HOMER2: variants seen among roughly 807,000 people sequenced by gnomAD.
The protein encoded by HOMER2 is homer scaffold protein 2.
HOMER2 carries 27 observed loss-of-function variants against 47.0 expected under a neutral mutation model. The ratio of observed to expected loss-of-function variants is 0.57; its 90% CI spans 0.42 to 0.79. HOMER2 has a LOEUF of 0.79. HOMER2 is among the 30% of genes least tolerant of loss of function. The pLI is 0.00. For synonymous variants in HOMER2, 161 were observed against 163.8 expected, an observed-to-expected ratio of 0.98 and a Z score of 0.13; for missense variants, 443 against 435.0, an observed-to-expected ratio of 1.02 and a Z score of -0.16.
intron 1 of HOMER2, among the ~76,000 whole-genome samples, chr15:82,936,389 C>A (rs2054144160): frequency 6.6e-6 from 1 of 152,172 alleles, no homozygotes; most frequent in Non-Finnish European, 1.5e-5. Flanking sequence ...GGAGCTGTCT[C>A]CCTCACTAGA....
chr15:82,912,137 C>T (rs957503430), intron 1 of HOMER2, among the ~76,000 whole-genome samples: 1 of 151,920 alleles, frequency 6.6e-6, no homozygotes, highest in Admixed American at 6.6e-5. Flanking sequence ...TTTTAAAGTC[C>T]CCAATTCAGT....
intron 1 of HOMER2, among the ~76,000 whole-genome samples, chr15:82,947,254 T>G (rs771352062): frequency 6.6e-6 from 1 of 152,318 alleles, no homozygotes; most frequent in East Asian, 1.9e-4. Flanking sequence ...CCCTATAATT[T>G]GTTGGAACTA....
intron 1 of HOMER2, among the ~76,000 whole-genome samples, chr15:82,916,599 C>A (rs1449587086): frequency 2.0e-5 from 3 of 152,144 alleles, no homozygotes; most frequent in African/African-American, 7.2e-5. Flanking sequence ...AGTGCAGACC[C>A]CGCTGGACCA....
chr15:82,935,068 G>A (rs2054112625), intron 1 of HOMER2, among the ~76,000 whole-genome samples: 1 of 151,720 alleles, frequency 6.6e-6, no homozygotes, highest in Admixed American at 6.6e-5. Context: ...TCAAGGCCTG[G>A]GCTCCTCTGC....
At chr15:82,890,746 A>T (rs985640871) in intron 2 of HOMER2, among the ~76,000 whole-genome samples, 1 of 152,220 alleles carries the variant, frequency 6.6e-6, no homozygotes, top group African/African-American at 2.4e-5. Flanking sequence ...TCCTTGGATA[A>T]CTCAACTGAC....
At chr15:82,910,831 G>A (rs1268314796) in intron 1 of HOMER2, among the ~76,000 whole-genome samples, 4 of 152,090 alleles carry the variant, frequency 2.6e-5, no homozygotes, top group Non-Finnish European at 4.4e-5. Context: ...TCTCAGCAAC[G>A]TAACAGTGCC....
At chr15:82,904,361 G>C (rs1268562442) in intron 1 of HOMER2, among the ~76,000 whole-genome samples, 1 of 152,122 alleles carries the variant, frequency 6.6e-6, no homozygotes, top group Non-Finnish European at 1.5e-5. Flanking sequence ...CTCAGTGTGG[G>C]GTAGGTCTCA....
At position 82,875,295 on chromosome 15, in the gene HOMER2, G is replaced by T. The variant is rs755787836; in HGVS notation, c.272C>A (p.Ser91Tyr). The T allele has an allele frequency of 3.7e-6, 6 of 1,613,744 alleles. No individual in the cohort carries two copies. Among genetic ancestry groups the T allele is most frequent in the Non-Finnish European group, 5.1e-6 (6 of 1,179,878 alleles). Residue 91 changes from serine to tyrosine, a missense_variant, in exon 3 of 9, where the codon TCC (serine) becomes TAC (tyrosine). Physicochemically the swap from Ser to Tyr is moderately radical, Grantham distance 144. Transcript: ENST00000450735. ...RANTVFGLGF[S>Y]SEQQLTKFAE... ...TACCTTTGTCAGCTGCTGCTCAGAG[G>T]AAAACCCCAAACCAAACACTGTGTT...
At chr15:82,984,537 G>A (rs566342239) in intron 1 of HOMER2, among the ~76,000 whole-genome samples, 1 of 152,256 alleles carries the variant, frequency 6.6e-6, no homozygotes, top group South Asian at 2.1e-4. Context: ...CACAATGTGG[G>A]GCTGGGCTCC....
intron 1 of HOMER2, among the ~76,000 whole-genome samples, chr15:82,979,416 G>A (rs997772693): frequency 5.3e-5 from 8 of 152,144 alleles, no homozygotes; most frequent in East Asian, 1.9e-4. Context: ...TGAGCTAGCC[G>A]ATAGATATAC....
intron 1 of HOMER2, among the ~76,000 whole-genome samples, chr15:82,939,106 G>C (rs2054205190): frequency 1.3e-5 from 2 of 152,188 alleles, no homozygotes; most frequent in Non-Finnish European, 2.9e-5. Context: ...TGTTAGAGCT[G>C]AATTTATACT....
At chr15:82,878,831 T>C (rs1567030254) in intron 2 of HOMER2, among the ~76,000 whole-genome samples, 1 of 152,226 alleles carries the variant, frequency 6.6e-6, no homozygotes, top group East Asian at 1.9e-4. Flanking sequence ...TTTCGCCATG[T>C]TGCCCTGGCT....
intron 1 of HOMER2, among the ~76,000 whole-genome samples, chr15:82,982,427 CATTTGAAA>C (rs2030425075): frequency 6.6e-6 from 1 of 152,136 alleles, no homozygotes; most frequent in Non-Finnish European, 1.5e-5. Flanking sequence ...AAAAAAATTT[CATTTGAAA>C]ATTTGAAAAT....
intron 1 of HOMER2, among the ~76,000 whole-genome samples, chr15:82,902,910 A>G (rs73446978): frequency 0.047 from 7,180 of 152,298 alleles, 553 homozygotes; most frequent in African/African-American, 0.16. Context: ...TCACACACAA[A>G]TGTGAATAAT....
At chr15:82,864,427 C>T (rs947916241) in intron 3 of HOMER2, among the ~76,000 whole-genome samples, 168 bp from the exon 4 acceptor site, 2 of 152,166 alleles carry the variant, frequency 1.3e-5, no homozygotes, top group Non-Finnish European at 2.9e-5. Context: ...TTCCAGTAAA[C>T]AGCACTGGGC....
At chr15:82,895,098 T>G (rs565210721) in intron 1 of HOMER2, among the ~76,000 whole-genome samples, 8 of 152,340 alleles carry the variant, frequency 5.3e-5, no homozygotes, top group Admixed American at 4.6e-4. Context: ...AGGCATGCTA[T>G]TAATGCTGCT....
At chr15:82,971,061 G>A (rs1467892569) in intron 1 of HOMER2, among the ~76,000 whole-genome samples, 1 of 152,194 alleles carries the variant, frequency 6.6e-6, no homozygotes, top group East Asian at 1.9e-4. Flanking sequence ...GAAGAAAACA[G>A]TCCATTCAAA....
chr15:82,918,707 G>A (rs1054515328), intron 1 of HOMER2, among the ~76,000 whole-genome samples: 1 of 152,108 alleles, frequency 6.6e-6, no homozygotes, highest in Non-Finnish European at 1.5e-5. Context: ...TCACACCACT[G>A]GATCTGTCAC....
chr15:82,964,300 T>A (rs1005770314), intron 1 of HOMER2, among the ~76,000 whole-genome samples: 3 of 152,178 alleles, frequency 2.0e-5, no homozygotes, highest in African/African-American at 7.2e-5. Context: ...CACAATTGTA[T>A]CATCACCACT....
Sources: gnomAD v4.1 joint callset for allele counts (sites outside exome capture counted in the v4.1 genomes callset) on GRCh38, gnomAD v4.1.1 for gene constraint, MANE v1.5 for transcripts, NCBI Gene and HGNC (gene_info 2026-07-23, HGNC 2026-07-21) for gene names.